Variants in ZNF384 observed in about 807,000 individuals in gnomAD.
ZNF384 encodes the protein CAG repeat protein 1.
In ZNF384, 20 loss-of-function variants were observed where a neutral mutation model predicts 65.0. The observed-to-expected ratio is 0.31, with a 90% CI of 0.22 to 0.45. ZNF384 has a LOEUF of 0.45. Among genes scored for constraint, ZNF384 ranks in the 20% least tolerant of loss-of-function variants. The probability of loss-of-function intolerance (pLI) is 1.00; values close to 1 mark genes in which losing one functional copy is unlikely to be tolerated. For synonymous variants in ZNF384, 310 were observed against 303.9 expected (o/e 1.02, Z -0.21); for missense variants, 549 against 769.4 (o/e 0.71, Z 3.39).
In ZNF384 at chr12:6,672,539, G is replaced by C. The variant is rs1565427244; in HGVS notation, c.1005-7C>G. On this transcript the variant is annotated splice_region_variant and splice_polypyrimidine_tract_variant and intron_variant, in intron 8 of 11. Transcript: ENST00000683879. This position sits in a 1 kb window ranked among gnomAD's most constrained non-coding sequence, Gnocchi z 4.4. ...GTGCATCTTGGAGTGGATCCTGCCG[G>C]AGAGGAGAGGAGGGAAGGGGGGAGG... 4.3e-6 allele frequency: 7 copies of C among 1,613,400 alleles called. No homozygotes were observed. The highest frequency in any genetic ancestry group is 5.1e-6 in the Non-Finnish European group (6 of 1,179,518).
chr12:6,683,598 A>AACCTGGGAG (rs1248681113), intron 2 of ZNF384, among the ~76,000 whole-genome samples: 1 of 145,172 alleles, frequency 6.9e-6, no homozygotes, highest in Non-Finnish European at 1.5e-5. Context: ...GAATCACCTG[A>AACCTGGGAG]GTGCAGTAAG....
In ZNF384 at chr12:6,668,017, C is replaced by T. The variant is rs1425401435; in HGVS notation, c.1524G>A (p.Gln508=). ...CCTGAGCCTGGGCTTGAGCTTGAGC[C>T]TGGGCCTGGGCCACTGCTGCCGCTG... ...AAAAAAVAQA[Q]AQAQAQAQAQ... The change falls in exon 12 of 12, where the codon CAG becomes CAA. Residue 508 remains glutamine (Q), a synonymous_variant. Transcript: ENST00000683879. 1 of 1,613,532 alleles carries T rather than the reference C, an allele frequency of 6.2e-7. No individual in the cohort carries two copies. The highest frequency in any genetic ancestry group is 1.7e-5 in the Admixed American group (1 of 59,986).
chr12:6,673,510 T>C lies in ZNF384; in HGVS notation c.780-70A>G. The stretch of plus-strand genomic sequence containing the variant: ...GGTGTGGCTGAACCCTCCCCTCTAC[T>C]TCCAAGAGAAGCCCACCTATCTGAG... On this transcript the variant is annotated intron_variant, in intron 7 of 11. Transcript: ENST00000683879. This position sits in a 1 kb window ranked among gnomAD's most constrained non-coding sequence, Gnocchi z 4.7. The C allele has an allele frequency of 1.4e-6, 2 of 1,412,792 alleles. No homozygotes were observed. The highest frequency in any genetic ancestry group is 2.0e-6 in the Non-Finnish European group (2 of 1,023,240). The allele number at this position is 1,412,792 out of a possible 1,614,324, so 87.5% of individuals were successfully genotyped here. A position where few individuals can be genotyped will look rare whatever the true frequency, so the allele number is the denominator to read the frequency against.
At position 6,678,058 on chromosome 12, in the gene ZNF384, A is replaced by G. The variant is rs1016814966; in HGVS notation, c.686+69T>C. 2.1e-6 allele frequency: 3 copies of G among 1,443,562 alleles called. No homozygotes were observed. Among genetic ancestry groups the G allele is most frequent in the African/African-American group, 2.8e-5 (2 of 71,346 alleles). 89.4% of individuals were successfully genotyped at this position (1,443,562 alleles called of 1,614,324 possible). A position where few individuals can be genotyped will look rare whatever the true frequency, so the allele number is the denominator to read the frequency against. On this transcript the variant is annotated intron_variant, in intron 6 of 11. Transcript: ENST00000683879. This position sits in a 1 kb window ranked among gnomAD's most constrained non-coding sequence, Gnocchi z 4.9. ...TAGCGCCTGACCGGGGCAGAACACAATGAGGGTACAGGGAGAATCACCAAG... is the reference window on the plus strand; with the variant it reads ...TAGCGCCTGACCGGGGCAGAACACAGTGAGGGTACAGGGAGAATCACCAAG...
rs746016607 is a variant in ZNF384 at position 6,678,251 on chromosome 12, G to A, written c.562C>T (p.Pro188Ser). Residue 188 changes from proline (P) to serine (S), a missense_variant, in exon 6 of 12, where the codon CCT becomes TCT. This residue lies in a region of ZNF384 where 277 missense variants were observed against 337.2 expected (regional missense o/e 0.82). Coordinates refer to ENST00000683879, the MANE Select transcript of ZNF384 (RefSeq NM_001385745.1). The surrounding 1 kb of genome is among the most constrained non-coding windows in gnomAD (Gnocchi z 4.9). ...GGGGGGGSVA[P>S]KPPRGRKKKR... is the part of the protein sequence containing the mutation. The stretch of plus-strand genomic sequence containing the variant: ...TTCTTCCGGCCCCGGGGTGGCTTAG[G>A]AGCCACACTGCCACCTCCACCACCA... 6.2e-7 allele frequency: 1 copy of A among 1,614,014 alleles called. No homozygotes were observed. The highest frequency in any genetic ancestry group is 1.7e-5 in the Admixed American group (1 of 59,994).
chr12:6,679,813 A>G (rs1407881241), intron 2 of ZNF384, among the ~76,000 whole-genome samples: 1 of 152,196 alleles, frequency 6.6e-6, no homozygotes, highest in Non-Finnish European at 1.5e-5. Context: ...AACTGGTATT[A>G]CTTTCCTTTG....
chr12:6,673,044 C>G lies in ZNF384; in HGVS notation c.1004+172G>C, dbSNP rs919404727. 3.1e-6 allele frequency: 2 copies of G among 652,412 alleles called. No homozygotes were observed. The highest frequency in any genetic ancestry group is 6.1e-5 in the Admixed American group (2 of 32,934). 40.4% of individuals were successfully genotyped at this position (652,412 alleles called of 1,614,324 possible). A position where few individuals can be genotyped will look rare whatever the true frequency, so the allele number is the denominator to read the frequency against. Reference sequence around the variant, plus strand: ...GAATTGGAGACCACAATTTTCAAGGCCCCCCAAATAGCTAGGATATATAAT... The same window carrying G: ...GAATTGGAGACCACAATTTTCAAGGGCCCCCAAATAGCTAGGATATATAAT... On this transcript the variant is annotated intron_variant, in intron 8 of 11. Coordinates refer to ENST00000683879, the MANE Select transcript of ZNF384 (RefSeq NM_001385745.1). The surrounding 1 kb of genome is among the most constrained non-coding windows in gnomAD (Gnocchi z 4.7).
chr12:6,681,887 T>C (rs1956106328), intron 2 of ZNF384, among the ~76,000 whole-genome samples: 1 of 152,184 alleles, frequency 6.6e-6, no homozygotes. Context: ...CGCTATTAAA[T>C]GACCAAAGAT....
Position 6,672,124 on chromosome 12 carries a change from A to G in ZNF384, c.1187+226T>C. ...TGTCTCCCATGGATCAGTGAATATC[A>G]TATAGTCACTGCAGCTCCCCGACGT... On this transcript the variant is annotated intron_variant, in intron 9 of 11. Transcript: ENST00000683879. The surrounding 1 kb of genome is among the most constrained non-coding windows in gnomAD (Gnocchi z 4.4). 1.9e-6 allele frequency: 1 copy of G among 536,408 alleles called. No individual in the cohort carries two copies. Among genetic ancestry groups the G allele is most frequent in the Non-Finnish European group, 3.4e-6 (1 of 297,474 alleles). The allele number at this position is 536,408 out of a possible 1,614,324, so 33.2% of individuals were successfully genotyped here. A position where few individuals can be genotyped will look rare whatever the true frequency, so the allele number is the denominator to read the frequency against.
At chr12:6,669,280 G>A in intron 10 of ZNF384, 91 bp from the exon 11 acceptor site, 1 of 1,317,574 alleles carries the variant, frequency 7.6e-7, no homozygotes, top group Non-Finnish European at 1.0e-6. Flanking sequence ...GTAGGTGTCA[G>A]GCCTCCCAGC....
In ZNF384 at chr12:6,667,449, CCA is replaced by C. The variant is rs376690232; in HGVS notation, c.*263_*264del. On this transcript the variant is annotated 3_prime_UTR_variant, in exon 12 of 12. Transcript: ENST00000683879. Reference sequence around the variant, plus strand: ...AAATCCTTCCCTTGAGCACCGACCCCCAGTTTTAGAAGCTTTGCTTGGGAGGG... The same window carrying C: ...AAATCCTTCCCTTGAGCACCGACCCCGTTTTAGAAGCTTTGCTTGGGAGGG... 8.4e-5 allele frequency: 49 copies of C among 580,196 alleles called. No individual in the cohort carries two copies. The East Asian group carries it at 1.4e-3, about 16-fold the overall frequency. 35.9% of individuals were successfully genotyped at this position (580,196 alleles called of 1,614,324 possible). A position where few individuals can be genotyped will look rare whatever the true frequency, so the allele number is the denominator to read the frequency against.
At position 6,678,162 on chromosome 12, in the gene ZNF384, A is replaced by C. The variant is rs772028193; in HGVS notation, c.651T>G (p.Asp217Glu). The C allele has an allele frequency of 6.2e-6, 10 of 1,613,608 alleles. No individual in the cohort carries two copies. Among genetic ancestry groups the C allele is most frequent in the Admixed American group, 1.7e-5 (1 of 60,006 alleles). ...MNDPYVLSPE[D>E]DDDHQKDGKT... ...TGCCGTCTTTCTGATGGTCATCATC[A>C]TCCTCAGGGGAGAGGACATAAGGGT... The change falls in exon 6 of 12, where the codon GAT becomes GAG. Residue 217 changes from aspartate to glutamate, a missense_variant. Physicochemically the swap from Asp to Glu is conservative, Grantham distance 45. This residue lies in a region of ZNF384 where 277 missense variants were observed against 337.2 expected (regional missense o/e 0.82). Transcript: ENST00000683879. The surrounding 1 kb of genome is among the most constrained non-coding windows in gnomAD (Gnocchi z 4.9).
Position 6,673,454 on chromosome 12 carries a change from G to C in ZNF384, c.780-14C>G. On this transcript the variant is annotated splice_polypyrimidine_tract_variant and intron_variant, in intron 7 of 11. Coordinates refer to ENST00000683879, the MANE Select transcript of ZNF384 (RefSeq NM_001385745.1). This position sits in a 1 kb window ranked among gnomAD's most constrained non-coding sequence, Gnocchi z 4.7. ...CACATCCGGCACCTGAGCCAAGTGA[G>C]GGCAATGGTTAGAACCCTTCCCATC... 6 of 1,612,396 alleles carry C rather than the reference G, an allele frequency of 3.7e-6. No homozygotes were observed. The African/African-American group carries it at 4.0e-5, about 11-fold the overall frequency.
rs74057057 is a variant in ZNF384 at position 6,666,889 on chromosome 12, C to A, written c.*825G>T. The A allele has an allele frequency of 0.017, 3,181 of 189,676 alleles. 125 individuals carry two copies. The highest frequency in any genetic ancestry group is 0.07 in the African/African-American group (2,998 of 42,872). 11.7% of individuals were successfully genotyped at this position (189,676 alleles called of 1,614,324 possible). A position where few individuals can be genotyped will look rare whatever the true frequency, so the allele number is the denominator to read the frequency against. On this transcript the variant is annotated 3_prime_UTR_variant, in exon 12 of 12. Coordinates refer to ENST00000683879, the MANE Select transcript of ZNF384 (RefSeq NM_001385745.1). ...CCTAGGGAGCTAAGTCCAGTCCTTG[C>A]GTTTGCCTTGAACTCTCCCTTCTCC...
Position 6,667,495 on chromosome 12 carries a change from C to A in ZNF384, c.*219G>T. ...GGGAGGGGAGGCTGCTGGATGACAC[C>A]ATCAGCTCAGTATTCCTTTGCAATC... On this transcript the variant is annotated 3_prime_UTR_variant, in exon 12 of 12. Transcript: ENST00000683879. 1.5e-6 allele frequency: 1 copy of A among 674,670 alleles called. No homozygotes were observed. The highest frequency in any genetic ancestry group is 2.6e-6 in the Non-Finnish European group (1 of 382,006). 41.8% of individuals were successfully genotyped at this position (674,670 alleles called of 1,614,324 possible). A position where few individuals can be genotyped will look rare whatever the true frequency, so the allele number is the denominator to read the frequency against.
Position 6,672,923 on chromosome 12 carries a change from C to T in ZNF384, c.1004+293G>A. 1 of 476,780 alleles carries T rather than the reference C, an allele frequency of 2.1e-6. No homozygotes were observed. Among genetic ancestry groups the T allele is most frequent in the Non-Finnish European group, 3.8e-6 (1 of 261,766 alleles). 29.5% of individuals were successfully genotyped at this position (476,780 alleles called of 1,614,324 possible). ...ACCTGAAGTTGAATGCACACCTTGG[C>T]TCTGAACTGAAGCATATAGTAAAAG... is the stretch of plus-strand genomic sequence containing the variant. On this transcript the variant is annotated intron_variant, in intron 8 of 11. Transcript: ENST00000683879. This position sits in a 1 kb window ranked among gnomAD's most constrained non-coding sequence, Gnocchi z 4.4.
Position 6,669,040 on chromosome 12 carries a change from T to C in ZNF384, c.1416A>G (p.Ala472=), listed in dbSNP as rs1950539330. The C allele has an allele frequency of 2.5e-6, 4 of 1,608,744 alleles. No individual in the cohort carries two copies. The highest frequency in any genetic ancestry group is 3.4e-6 in the Non-Finnish European group (4 of 1,176,464). Reference sequence around the variant, plus strand: ...GAAACGGAGCACTCACTGATGTGTATGCCCGACTGCAGATAGTGCAGGTGT... The same window carrying C: ...GAAACGGAGCACTCACTGATGTGTACGCCCGACTGCAGATAGTGCAGGTGT... The part of the protein sequence containing the change: ...KVYTCTICSR[A]YTSETYLMKH... Residue 472 remains alanine (A), a synonymous_variant, in exon 11 of 12, where the codon GCA becomes GCG. Transcript: ENST00000683879.
At chr12:6,688,720 G>A (rs953156718) in intron 1 of ZNF384, 3 of 152,594 alleles carry the variant, frequency 2.0e-5, no homozygotes, top group African/African-American at 7.2e-5. Flanking sequence ...CTTGTGCCAA[G>A]AAGTACCTCC....
chr12:6,671,057 G>A (rs1175555021), intron 9 of ZNF384, among the ~76,000 whole-genome samples: 2 of 152,184 alleles, frequency 1.3e-5, no homozygotes, highest in African/African-American at 4.8e-5. Context: ...CCTCTCTGCT[G>A]GGGGAGGAGA....
Sources: allele counts gnomAD v4.1 joint callset (sites outside exome capture counted in the v4.1 genomes callset), GRCh38; gene constraint gnomAD v4.1.1; regional missense constraint gnomAD v4.1.1; non-coding constraint Gnocchi (gnomAD v3.1); transcripts MANE v1.5; gene names NCBI Gene and HGNC (gene_info 2026-07-23, HGNC 2026-07-21).